The following RAD51D variants were observed in gnomAD, a reference collection of about 807,000 sequenced individuals.
The protein encoded by RAD51D is DNA repair protein RAD51 homolog 4.
A neutral mutation model predicts 44.1 loss-of-function variants in RAD51D; 38 were observed. The ratio of observed to expected loss-of-function variants is 0.86; its 90% CI spans 0.67 to 1.13. The LOEUF (loss-of-function observed/expected upper bound fraction) is 1.13, where lower values mean the gene tolerates loss of function less well. RAD51D is among the 50% of genes most tolerant of loss of function. The pLI is 0.00. For missense variants in RAD51D, 390 were observed against 414.0 expected, an observed-to-expected ratio of 0.94 and a Z score of 0.50; for synonymous variants, 141 against 166.6, an observed-to-expected ratio of 0.85 and a Z score of 1.18.
intron 3 of RAD51D, among the ~76,000 whole-genome samples, chr17:35,110,059 T>A (rs1257376282): frequency 6.7e-6 from 1 of 149,940 alleles, no homozygotes; most frequent in Non-Finnish European, 1.5e-5. Flanking sequence ...AATCTTGACC[T>A]CCCAGGCTGA....
intron 3 of RAD51D, among the ~76,000 whole-genome samples, chr17:35,108,890 G>A (rs999179612): frequency 7.6e-5 from 11 of 145,620 alleles, no homozygotes; most frequent in African/African-American, 1.3e-4. Context: ...TTTTTGAGAC[G>A]GAGTCTCGCT....
At chr17:35,108,042 G>A (rs966896780) in intron 3 of RAD51D, among the ~76,000 whole-genome samples, 3 of 151,684 alleles carry the variant, frequency 2.0e-5, no homozygotes, top group African/African-American at 4.8e-5. Context: ...GAGTCACCAC[G>A]CCCAGCTGTT....
In RAD51D at chr17:35,095,672, G is replaced by A. The variant is rs1463498224; in HGVS notation, c.*5281C>T. The A allele has an allele frequency of 6.6e-6, 1 of 151,640 alleles. No individual in the cohort carries two copies. The highest frequency in any genetic ancestry group is 2.4e-5 in the African/African-American group (1 of 41,220). The allele number at this position is 151,640 out of a possible 1,614,324, so 9.4% of individuals were successfully genotyped here. On this transcript the variant is annotated 3_prime_UTR_variant, in exon 10 of 10. Transcript: ENST00000345365. ...CCGGACATAGTGGCAGGCGCCTGTA[G>A]TCGTAGTCCCAGCTACTCAGGAGGC...
chr17:35,116,233 G>A (rs2091744462), intron 3 of RAD51D, among the ~76,000 whole-genome samples: 1 of 152,116 alleles, frequency 6.6e-6, no homozygotes, highest in South Asian at 2.1e-4. Flanking sequence ...CACTGCCAGG[G>A]CCCTGCTTGG....
At chr17:35,102,648 GA>G (rs1238947338) in intron 8 of RAD51D, among the ~76,000 whole-genome samples, 1 of 151,474 alleles carries the variant, frequency 6.6e-6, no homozygotes, top group East Asian at 1.9e-4. Context: ...AAAAAAGAAA[GA>G]AAGAAAGTTG....
chr17:35,101,812 C>T (rs1400440463), intron 8 of RAD51D, among the ~76,000 whole-genome samples: 2 of 152,146 alleles, frequency 1.3e-5, no homozygotes, highest in Non-Finnish European at 2.9e-5. Context: ...AAGTAAATAC[C>T]ATATGATTCC....
chr17:35,119,660 G>A lies in RAD51D; in HGVS notation c.-47C>T. 6.3e-7 allele frequency: 1 copy of A among 1,592,426 alleles called. No homozygotes were observed. Among genetic ancestry groups the A allele is most frequent in the Non-Finnish European group, 8.5e-7 (1 of 1,169,996 alleles). ...CCCCAGGGGGACTGCACGTCACGTG[G>A]GCATTCGCGGGGGGTCCTCTCCAGA... is the stretch of plus-strand genomic sequence containing the variant. On this transcript the variant is annotated 5_prime_UTR_variant, in exon 1 of 10. Transcript: ENST00000345365.
intron 3 of RAD51D, among the ~76,000 whole-genome samples, chr17:35,112,084 G>C (rs571459499): frequency 6.6e-6 from 1 of 151,452 alleles, no homozygotes; most frequent in East Asian, 1.9e-4. Flanking sequence ...TTGTTTATTT[G>C]CTTGTTTTTT....
chr17:35,101,392 C>A (rs2142412822), intron 8 of RAD51D, 27 bp from the exon 9 acceptor site: 1 of 1,609,348 alleles, frequency 6.2e-7, no homozygotes, highest in South Asian at 1.1e-5. Flanking sequence ...CTTACAGATC[C>A]ATAATGCTAG....
rs2091500097 is a variant in RAD51D, at chr17:35,098,166, T to G, written c.*2787A>C. 6.6e-6 allele frequency: 1 copy of G among 152,190 alleles called. No individual in the cohort carries two copies. Among genetic ancestry groups the G allele is most frequent in the African/African-American group, 2.4e-5 (1 of 41,442 alleles). The allele number at this position is 152,190 out of a possible 1,614,324, so 9.4% of individuals were successfully genotyped here. ...ACAGAAACTCCTTGGGTGACAGCTG[T>G]GGTGCCTTCAGCTGGAGTTACAGCC... On this transcript the variant is annotated 3_prime_UTR_variant, in exon 10 of 10. Coordinates refer to ENST00000345365, the MANE Select transcript of RAD51D (RefSeq NM_002878.4).
rs879538100 is a variant in RAD51D at position 35,098,002 on chromosome 17, G to A, written c.*2951C>T. The stretch of plus-strand genomic sequence containing the variant: ...CACAGTGTGGTGTGGCCGGAACAGA[G>A]TGCAGTGGCAGCAGGCAGGCAAGAC... On this transcript the variant is annotated 3_prime_UTR_variant, in exon 10 of 10. Transcript: ENST00000345365. 1 of 152,090 alleles carries A rather than the reference G, an allele frequency of 6.6e-6. No homozygotes were observed. The highest frequency in any genetic ancestry group is 1.5e-5 in the Non-Finnish European group (1 of 67,956). The allele number at this position is 152,090 out of a possible 1,614,324, so 9.4% of individuals were successfully genotyped here.
intron 3 of RAD51D, chr17:35,113,422 C>T (rs568127213): frequency 4.2e-5 from 10 of 237,080 alleles, no homozygotes; most frequent in Non-Finnish European, 8.0e-5. Context: ...GCACCCACCA[C>T]CACGCCTGGC....
In RAD51D at chr17:35,093,726, A is replaced by T. The variant is rs571059730; in HGVS notation, c.*7227T>A. 1 of 152,354 alleles carries T rather than the reference A, an allele frequency of 6.6e-6. No homozygotes were observed. Among genetic ancestry groups the T allele is most frequent in the Admixed American group, 6.5e-5 (1 of 15,304 alleles). The allele number at this position is 152,354 out of a possible 1,614,324, so 9.4% of individuals were successfully genotyped here. On this transcript the variant is annotated 3_prime_UTR_variant, in exon 10 of 10. Transcript: ENST00000345365. ...AAGGATGATTGTTATTGTTGCTTCT[A>T]TTCTGTGTAGTACTAAAAGTCAGTT...
At chr17:35,104,470 G>A (rs1035728995) in intron 6 of RAD51D, among the ~76,000 whole-genome samples, 1 of 152,178 alleles carries the variant, frequency 6.6e-6, no homozygotes, top group East Asian at 1.9e-4. Flanking sequence ...CTGCCTCCTC[G>A]GTTCAAACGA....
At chr17:35,112,138 C>T (rs984355469) in intron 3 of RAD51D, among the ~76,000 whole-genome samples, 5 of 152,154 alleles carry the variant, frequency 3.3e-5, no homozygotes, top group African/African-American at 4.8e-5. Context: ...AGTGCAGTGG[C>T]GCAATCTTGG....
At chr17:35,106,076 G>C (rs2142427688) in intron 6 of RAD51D, 1 of 522,430 alleles carries the variant, frequency 1.9e-6, no homozygotes, top group Non-Finnish European at 3.7e-6. Flanking sequence ...CAAGCTTCAA[G>C]TCTCTGTCAG....
intron 6 of RAD51D, chr17:35,106,059 A>G: frequency 2.1e-6 from 1 of 486,824 alleles, no homozygotes; most frequent in South Asian, 1.5e-5. Context: ...ACATAATTAA[A>G]TGTCCTCAAG....
chr17:35,116,874 G>T (rs188981311), intron 3 of RAD51D: 1 of 1,558,464 alleles, frequency 6.4e-7, no homozygotes, highest in East Asian at 2.4e-5. Flanking sequence ...AGTGCTGACC[G>T]CAGTGCCTCG....
intron 3 of RAD51D, chr17:35,115,448 T>C (rs1426159609): frequency 2.6e-6 from 1 of 380,300 alleles, no homozygotes; most frequent in Admixed American, 3.1e-5. Flanking sequence ...CTAAAGGTTC[T>C]GAGGCGGCCT....
Sources: allele counts gnomAD v4.1 joint callset (sites outside exome capture counted in the v4.1 genomes callset), GRCh38; gene constraint gnomAD v4.1.1; transcripts MANE v1.5; gene names NCBI Gene and HGNC (gene_info 2026-07-23, HGNC 2026-07-21).